RAB2A: variants seen among roughly 807,000 people sequenced by gnomAD.
RAB2A encodes ras-related protein Rab-2A.
Under a neutral mutation model 32.5 loss-of-function variants are expected in RAB2A, and 7 were observed. The ratio of observed to expected loss-of-function variants is 0.22; its 90% confidence interval spans 0.12 to 0.40. The LOEUF (loss-of-function observed/expected upper bound fraction) is 0.40, where lower values mean the gene tolerates loss of function less well. RAB2A is among the 10% of genes least tolerant of loss of function. The pLI is 1.00. For synonymous variants in RAB2A, 79 were observed against 85.2 expected (o/e 0.93, Z 0.40); for missense variants, 108 against 260.7 (o/e 0.41, Z 4.03).
intron 5 of RAB2A, among the ~76,000 whole-genome samples, chr8:60,586,473 A>G (rs1197829630): frequency 3.9e-5 from 6 of 152,148 alleles, no homozygotes; most frequent in Admixed American, 1.3e-4. Context: ...GAAAAAGACA[A>G]ACATTAGCAA....
At chr8:60,524,594 G>A (rs1807350354) in intron 1 of RAB2A, among the ~76,000 whole-genome samples, 1 of 152,182 alleles carries the variant, frequency 6.6e-6, no homozygotes, top group Non-Finnish European at 1.5e-5. Context: ...CTGGCAAAAA[G>A]GTTCTAGATT....
intron 1 of RAB2A, among the ~76,000 whole-genome samples, chr8:60,549,430 G>A (rs1437707034): frequency 2.6e-5 from 4 of 152,050 alleles, no homozygotes; most frequent in Non-Finnish European, 4.4e-5. Context: ...TCGCGGTTAG[G>A]AGCTGGAGAC....
intron 1 of RAB2A, among the ~76,000 whole-genome samples, chr8:60,557,620 T>TG (rs1384838711): frequency 6.6e-6 from 1 of 152,236 alleles, no homozygotes; most frequent in East Asian, 1.9e-4. Flanking sequence ...TTACCTACCC[T>TG]GGAGGTCAGT....
chr8:60,558,584 G>A (rs1807972999), intron 1 of RAB2A: 2 of 504,998 alleles, frequency 4.0e-6, no homozygotes, highest in Non-Finnish European at 7.4e-6. Context: ...CTGGTTAGTT[G>A]TCATCTGTGA....
intron 1 of RAB2A, among the ~76,000 whole-genome samples, chr8:60,532,511 C>T (rs1381604669): frequency 2.0e-5 from 3 of 151,954 alleles, no homozygotes; most frequent in Non-Finnish European, 2.9e-5. Flanking sequence ...TTCATAGCTA[C>T]GTGGATTTTT....
In RAB2A at chr8:60,622,620, A is replaced by T. The variant is rs1804547247; in HGVS notation, c.*1851A>T. 6.6e-6 allele frequency: 1 copy of T among 152,132 alleles called. No individual in the cohort carries two copies. 9.4% of individuals were successfully genotyped at this position (152,132 alleles called of 1,614,324 possible). A position where few individuals can be genotyped will look rare whatever the true frequency, so the allele number is the denominator to read the frequency against. ...AATTGTTATTTTTAAGCTTCTGTTA[A>T]TTTTTCCAGAAGTTTAGTGCGTTTC... On this transcript the variant is annotated 3_prime_UTR_variant, in exon 8 of 8. Coordinates refer to ENST00000262646, the MANE Select transcript of RAB2A (RefSeq NM_002865.3).
At chr8:60,548,601 G>A (rs1436540713) in intron 1 of RAB2A, among the ~76,000 whole-genome samples, 2 of 139,134 alleles carry the variant, frequency 1.4e-5, no homozygotes, top group African/African-American at 2.8e-5. Flanking sequence ...AGGCAGAGGC[G>A]CCCCTCACTT....
intron 1 of RAB2A, among the ~76,000 whole-genome samples, chr8:60,520,946 A>G (rs1209131030): frequency 6.6e-6 from 1 of 152,104 alleles, no homozygotes; most frequent in Non-Finnish European, 1.5e-5. Flanking sequence ...TCTTCCAAGT[A>G]GCTGGGAACA....
chr8:60,568,166 G>T (rs1195019228), intron 2 of RAB2A, among the ~76,000 whole-genome samples: 4 of 152,174 alleles, frequency 2.6e-5, no homozygotes, highest in African/African-American at 9.7e-5. Flanking sequence ...TGGTAAGGAA[G>T]GCTGTTTGCT....
intron 6 of RAB2A, among the ~76,000 whole-genome samples, chr8:60,606,974 G>T (rs999724479): frequency 2.6e-5 from 4 of 152,090 alleles, no homozygotes; most frequent in Non-Finnish European, 4.4e-5. Flanking sequence ...ACATACCATG[G>T]ACTGATGTCT....
At chr8:60,559,397 G>A (rs1807986649) in intron 2 of RAB2A, 1 of 153,194 alleles carries the variant, frequency 6.5e-6, no homozygotes, top group Admixed American at 6.5e-5. Context: ...GCCTGGCAAT[G>A]TGGAAAGTGC....
chr8:60,577,585 T>C (rs1470202046), intron 3 of RAB2A, among the ~76,000 whole-genome samples: 1 of 152,056 alleles, frequency 6.6e-6, no homozygotes, highest in Non-Finnish European at 1.5e-5. Context: ...GATTTCAAAA[T>C]ATTTCCTCTC....
chr8:60,618,434 T>A, intron 6 of RAB2A, 146 bp from the exon 7 acceptor site: 1 of 279,576 alleles, frequency 3.6e-6, no homozygotes, highest in Non-Finnish European at 6.4e-6. Flanking sequence ...TTTATTAATA[T>A]GTTATTAATA....
intron 5 of RAB2A, 89 bp downstream of exon 5, chr8:60,584,904 T>TTAA: frequency 5.6e-6 from 5 of 890,296 alleles, no homozygotes; most frequent in South Asian, 2.4e-5. Flanking sequence ...TGTTCAAATG[T>TTAA]GAGTTACCAG....
Position 60,588,864 on chromosome 8 carries a change from A to G in RAB2A, c.363-2994A>G, listed in dbSNP as rs911236308. 3.3e-5 allele frequency among the ~76,000 whole-genome samples: 5 copies of G among 152,236 alleles called. 1 individual carries two copies. The highest frequency in any genetic ancestry group is 1.2e-4 in the African/African-American group (5 of 41,456). Reference sequence around the variant, plus strand: ...ATAGATTTTAGAGTGTTGTTTTAATAGAAATTGAGATTTGCTATTAAGAGA... The same window carrying G: ...ATAGATTTTAGAGTGTTGTTTTAATGGAAATTGAGATTTGCTATTAAGAGA... On this transcript the variant is annotated intron_variant, in intron 5 of 7. Coordinates refer to ENST00000262646, the MANE Select transcript of RAB2A (RefSeq NM_002865.3).
At chr8:60,619,717 C>G (rs909507952) in intron 7 of RAB2A, among the ~76,000 whole-genome samples, 1 of 152,184 alleles carries the variant, frequency 6.6e-6, no homozygotes. Context: ...AGGGCACATT[C>G]ATTGTTTCTG....
chr8:60,605,246 T>G (rs1466147363), intron 6 of RAB2A, among the ~76,000 whole-genome samples: 1 of 152,132 alleles, frequency 6.6e-6, no homozygotes, highest in Non-Finnish European at 1.5e-5. Context: ...AGTCCAAGAG[T>G]TGAGGCTTGG....
intron 1 of RAB2A, among the ~76,000 whole-genome samples, chr8:60,546,891 CTTTTTTT>C (rs6150606): frequency 3.0e-5 from 3 of 98,948 alleles, no homozygotes; most frequent in South Asian, 3.4e-4. Context: ...TTTTTTGGGT[CTTTTTTT>C]TTTTTTTTTT....
At chr8:60,577,071 G>C (rs1394259141) in intron 3 of RAB2A, among the ~76,000 whole-genome samples, 4 of 151,518 alleles carry the variant, frequency 2.6e-5, no homozygotes, top group Non-Finnish European at 5.9e-5. Flanking sequence ...TTTGAGGCAG[G>C]ATCTTGCCCT....
Sources: gnomAD v4.1 joint callset for allele counts (sites outside exome capture counted in the v4.1 genomes callset) on GRCh38, gnomAD v4.1.1 for gene constraint, MANE v1.5 for transcripts, NCBI Gene and HGNC (gene_info 2026-07-23, HGNC 2026-07-21) for gene names.